The following NRXN3 variants were observed in gnomAD, a reference collection of about 807,000 sequenced individuals.
The protein encoded by NRXN3 is neurexin 3.
In NRXN3, 32 loss-of-function variants were observed where a neutral mutation model predicts 137.6. The ratio of observed to expected loss-of-function variants is 0.23; its 90% CI spans 0.18 to 0.31. The LOEUF is 0.31. Ranked by LOEUF, NRXN3 falls within the 10% of genes least tolerant of loss-of-function variation. The pLI is 1.00. For synonymous variants in NRXN3, 798 were observed against 784.5 expected (o/e 1.02, Z -0.29); for missense variants, 1,574 against 2,062.5 (o/e 0.76, Z 4.59).
chr14:78,334,173 GC>G (rs1477440336), intron 4 of NRXN3, among the ~76,000 whole-genome samples: 3 of 152,170 alleles, frequency 2.0e-5, no homozygotes, highest in Non-Finnish European at 2.9e-5. Flanking sequence ...TATCTGAGAT[GC>G]CAGATTTGGG....
chr14:79,119,923 A>G (rs1392330592), intron 15 of NRXN3, among the ~76,000 whole-genome samples: 1 of 152,148 alleles, frequency 6.6e-6, no homozygotes, highest in Non-Finnish European at 1.5e-5. Context: ...TCCCCTAATC[A>G]TTGAAATCAA....
chr14:79,495,278 A>G (rs968545056), intron 16 of NRXN3, among the ~76,000 whole-genome samples: 2 of 152,174 alleles, frequency 1.3e-5, no homozygotes, highest in African/African-American at 4.8e-5. Context: ...TCAAAGGTAA[A>G]TGTGTTGAAA....
At chr14:79,304,686 A>G (rs542212914) in intron 15 of NRXN3, among the ~76,000 whole-genome samples, 30 of 152,170 alleles carry the variant, frequency 2.0e-4, no homozygotes, top group African/African-American at 6.7e-4. Context: ...TATTATAGGC[A>G]TTTACAAGAA....
chr14:78,434,314 A>G (rs2093990017), intron 4 of NRXN3, among the ~76,000 whole-genome samples: 1 of 152,168 alleles, frequency 6.6e-6, no homozygotes, highest in African/African-American at 2.4e-5. Flanking sequence ...GATCTGTTCC[A>G]GGCCTCTCTT....
chr14:79,695,947 A>G (rs1465520003), intron 18 of NRXN3, among the ~76,000 whole-genome samples: 1 of 151,942 alleles, frequency 6.6e-6, no homozygotes, highest in East Asian at 1.9e-4. Flanking sequence ...CACTATAACA[A>G]AGTTCTCTGG....
chr14:78,779,010 C>A (rs966398841), intron 8 of NRXN3, among the ~76,000 whole-genome samples: 2 of 151,560 alleles, frequency 1.3e-5, no homozygotes, highest in African/African-American at 4.9e-5. Flanking sequence ...TTACAAGGAC[C>A]CTGGAAAATG....
intron 15 of NRXN3, among the ~76,000 whole-genome samples, chr14:79,440,201 G>T (rs1026518334): frequency 1.3e-5 from 2 of 152,222 alleles, no homozygotes; most frequent in African/African-American, 2.4e-5. Flanking sequence ...AAGGCAGTTT[G>T]GTGTAATGGT....
intron 10 of NRXN3, among the ~76,000 whole-genome samples, chr14:78,866,860 C>A (rs545773972): frequency 6.9e-5 from 10 of 144,490 alleles, no homozygotes; most frequent in African/African-American, 2.6e-4. Flanking sequence ...TACAGTGGCA[C>A]GGTCTCGGCT....
chr14:79,252,777 T>A (rs1458462016), intron 15 of NRXN3, among the ~76,000 whole-genome samples: 1 of 152,180 alleles, frequency 6.6e-6, no homozygotes, highest in South Asian at 2.1e-4. Flanking sequence ...ATTTTTCCAC[T>A]CACTTGTGGA....
intron 16 of NRXN3, among the ~76,000 whole-genome samples, chr14:79,610,101 G>T (rs2098080869): frequency 6.6e-6 from 1 of 151,822 alleles, no homozygotes; most frequent in South Asian, 2.1e-4. Context: ...GTATAAAAAT[G>T]AGAAAAAAAG....
chr14:79,091,932 G>T (rs1199903643), intron 15 of NRXN3, among the ~76,000 whole-genome samples: 1 of 152,030 alleles, frequency 6.6e-6, no homozygotes, highest in Non-Finnish European at 1.5e-5. Flanking sequence ...TTGTTCACTT[G>T]CAACTAAACC....
At chr14:79,094,486 T>A (rs191834664) in intron 15 of NRXN3, among the ~76,000 whole-genome samples, 1 of 152,236 alleles carries the variant, frequency 6.6e-6, no homozygotes, top group Admixed American at 6.5e-5. Flanking sequence ...ATGGAATACA[T>A]GCCTCTTACT....
intron 4 of NRXN3, among the ~76,000 whole-genome samples, chr14:78,433,901 G>A (rs1416526077): frequency 6.6e-6 from 1 of 152,142 alleles, no homozygotes; most frequent in Non-Finnish European, 1.5e-5. Flanking sequence ...TGAAGTTACT[G>A]ATGCTCCTTG....
intron 16 of NRXN3, among the ~76,000 whole-genome samples, chr14:79,510,685 G>A (rs994253022): frequency 6.6e-6 from 1 of 152,156 alleles, no homozygotes; most frequent in Non-Finnish European, 1.5e-5. Flanking sequence ...ATACCCAGAA[G>A]TCTGTTTCTC....
intron 4 of NRXN3, among the ~76,000 whole-genome samples, chr14:78,478,188 A>T (rs1260231825): frequency 6.6e-6 from 1 of 152,212 alleles, no homozygotes; most frequent in African/African-American, 2.4e-5. Context: ...GTCTGTCCTT[A>T]GGAAGTTTAC....
At chr14:79,838,137 G>T (rs952664485) in intron 20 of NRXN3, among the ~76,000 whole-genome samples, 1 of 152,096 alleles carries the variant, frequency 6.6e-6, no homozygotes, top group Non-Finnish European at 1.5e-5. Context: ...TAACCTACAT[G>T]ATTTTACAAA....
intron 10 of NRXN3, among the ~76,000 whole-genome samples, chr14:78,931,703 C>A (rs957454519): frequency 1.3e-5 from 2 of 152,120 alleles, no homozygotes; most frequent in East Asian, 3.9e-4. Flanking sequence ...ACCATGCCAT[C>A]TTGGTGAAAA....
At chr14:79,492,560 T>C (rs2096727613) in intron 16 of NRXN3, among the ~76,000 whole-genome samples, 1 of 152,092 alleles carries the variant, frequency 6.6e-6, no homozygotes, top group African/African-American at 2.4e-5. Flanking sequence ...CTTTTGTACC[T>C]TTAGTAAAGA....
At chr14:79,673,382 A>C (rs780567990) in intron 17 of NRXN3, among the ~76,000 whole-genome samples, 6 of 152,120 alleles carry the variant, frequency 3.9e-5, no homozygotes, top group African/African-American at 1.4e-4. Context: ...ACAGCATAAG[A>C]AGACTTAGGG....
Sources: gnomAD v4.1 joint callset for allele counts (sites outside exome capture counted in the v4.1 genomes callset) on GRCh38, gnomAD v4.1.1 for gene constraint, MANE v1.5 for transcripts, NCBI Gene and HGNC (gene_info 2026-07-23, HGNC 2026-07-21) for gene names.